RCSD1: variants seen among roughly 807,000 people sequenced by gnomAD.
RCSD1 encodes the protein capZ-interacting protein.
In RCSD1, 26 loss-of-function variants were observed where a neutral mutation model predicts 42.5. The observed-to-expected ratio is 0.61, with a 90% CI of 0.45 to 0.85. The LOEUF is 0.85. Among genes scored for constraint, RCSD1 ranks in the 40% least tolerant of loss-of-function variants. The probability of loss-of-function intolerance (pLI) is 0.00; values close to 1 mark genes in which losing one functional copy is unlikely to be tolerated. For missense variants in RCSD1, 571 were observed against 528.3 expected (o/e 1.08, Z -0.79); for synonymous variants, 220 against 212.2 (o/e 1.04, Z -0.32).
chr1:167,655,641 C>G (rs1327924817), intron 1 of RCSD1, among the ~76,000 whole-genome samples: 1 of 152,152 alleles, frequency 6.6e-6, no homozygotes, highest in East Asian at 1.9e-4. Flanking sequence ...GCAGGGCTCT[C>G]TCTTAATACC....
chr1:167,647,525 A>G (rs1330197832), intron 1 of RCSD1, among the ~76,000 whole-genome samples: 1 of 152,114 alleles, frequency 6.6e-6, no homozygotes. Context: ...GTTCAAGACC[A>G]GCCTGGGCAA....
intron 2 of RCSD1, 71 bp downstream of exon 2, chr1:167,684,072 G>T: frequency 7.8e-7 from 1 of 1,277,042 alleles, no homozygotes; most frequent in Non-Finnish European, 1.1e-6. Context: ...GTCAGGCCCA[G>T]CGGAGAGGGA....
At chr1:167,644,351 C>A (rs910702141) in intron 1 of RCSD1, among the ~76,000 whole-genome samples, 1 of 152,006 alleles carries the variant, frequency 6.6e-6, no homozygotes, top group Admixed American at 6.6e-5. Context: ...TGGTGGTGTG[C>A]GCCTATAATC....
chr1:167,669,608 A>T (rs1039781623), intron 1 of RCSD1, among the ~76,000 whole-genome samples: 4 of 152,224 alleles, frequency 2.6e-5, no homozygotes, highest in African/African-American at 7.2e-5. Flanking sequence ...AAGACTGTGC[A>T]TGCAAATGGC....
intron 1 of RCSD1, among the ~76,000 whole-genome samples, chr1:167,632,331 A>G (rs973045300): frequency 2.6e-5 from 4 of 152,212 alleles, no homozygotes; most frequent in African/African-American, 9.7e-5. Flanking sequence ...TGGAGATAAG[A>G]GAAAAGCAAC....
intron 1 of RCSD1, among the ~76,000 whole-genome samples, chr1:167,634,126 C>T (rs1657770358): frequency 6.6e-6 from 1 of 152,186 alleles, no homozygotes. Flanking sequence ...ACTCCTTCCC[C>T]TCTCGGTCTG....
At chr1:167,699,324 T>A (rs1442370496) in intron 6 of RCSD1, among the ~76,000 whole-genome samples, 1 of 152,192 alleles carries the variant, frequency 6.6e-6, no homozygotes. Context: ...CCTTCAAAAT[T>A]AAGTTGTTGG....
intron 1 of RCSD1, among the ~76,000 whole-genome samples, chr1:167,661,944 A>G (rs1658550357): frequency 6.6e-6 from 1 of 152,230 alleles, no homozygotes; most frequent in South Asian, 2.1e-4. Flanking sequence ...CATGAGGAAT[A>G]TAATGCACAG....
intron 1 of RCSD1, among the ~76,000 whole-genome samples, chr1:167,643,982 C>T (rs1658067364): frequency 3.3e-5 from 5 of 152,112 alleles, no homozygotes; most frequent in Admixed American, 2.6e-4. Context: ...TTATTGCATC[C>T]TGCCTGCAAA....
At chr1:167,666,101 C>T (rs1393944031) in intron 1 of RCSD1, among the ~76,000 whole-genome samples, 2 of 152,200 alleles carry the variant, frequency 1.3e-5, no homozygotes, top group Admixed American at 1.3e-4. Flanking sequence ...CGTAAGCCAC[C>T]ATGCCTAGCC....
intron 1 of RCSD1, among the ~76,000 whole-genome samples, chr1:167,678,661 T>C: frequency 6.6e-6 from 1 of 152,166 alleles, no homozygotes; most frequent in Non-Finnish European, 1.5e-5. Flanking sequence ...AGCTCCTTGA[T>C]GCGCGACTCA....
At chr1:167,641,902 T>C (rs928576207) in intron 1 of RCSD1, 5 of 152,174 alleles carry the variant, frequency 3.3e-5, no homozygotes, top group African/African-American at 1.2e-4. Flanking sequence ...TGCCACAATC[T>C]TAGTGGCTGA....
Position 167,630,389 on chromosome 1 carries a change from G to A in RCSD1, c.-35G>A, listed in dbSNP as rs1380411768. 4.0e-6 allele frequency: 6 copies of A among 1,508,762 alleles called. No homozygotes were observed. The highest frequency in any genetic ancestry group is 5.3e-6 in the Non-Finnish European group (6 of 1,124,186). The allele number at this position is 1,508,762 out of a possible 1,614,324, so 93.5% of individuals were successfully genotyped here. A position where few individuals can be genotyped will look rare whatever the true frequency, so the allele number is the denominator to read the frequency against. Reference sequence around the variant, plus strand: ...ATCGTGAGCTCCGGCCCGGGCGAGCGGGTGCGTCTGCCGCAGAGTCGGCAC... The same window carrying A: ...ATCGTGAGCTCCGGCCCGGGCGAGCAGGTGCGTCTGCCGCAGAGTCGGCAC... On this transcript the variant is annotated 5_prime_UTR_variant, in exon 1 of 7. Transcript: ENST00000367854.
At chr1:167,694,866 T>C (rs559985812) in intron 5 of RCSD1, among the ~76,000 whole-genome samples, 1 of 152,164 alleles carries the variant, frequency 6.6e-6, no homozygotes, top group Admixed American at 6.5e-5. Context: ...CCTGATCCTC[T>C]GTGTGAGCTT....
At position 167,697,397 on chromosome 1, in the gene RCSD1, C is replaced by T. The variant is rs1477901917; in HGVS notation, c.773C>T (p.Ala258Val). 4.3e-6 allele frequency: 7 copies of T among 1,613,534 alleles called. No individual in the cohort carries two copies. The highest frequency in any genetic ancestry group is 5.9e-6 in the Non-Finnish European group (7 of 1,179,770). ...KQEEDRATEE[A>V]KNGEKARRSS... ...GAGGAGGACAGGGCCACAGAGGAAG[C>T]CAAGAACGGTGAAAAGGCCAGGCGG... The change falls in exon 6 of 7, where the codon GCC becomes GTC. Residue 258 changes from alanine (A) to valine (V), a missense_variant. Transcript: ENST00000367854.
chr1:167,657,908 C>G (rs1658458170), intron 1 of RCSD1, among the ~76,000 whole-genome samples: 1 of 151,988 alleles, frequency 6.6e-6, no homozygotes, highest in African/African-American at 2.4e-5. Context: ...CACACACACA[C>G]ACACACATGC....
chr1:167,680,994 C>T (rs928255098), intron 1 of RCSD1, among the ~76,000 whole-genome samples: 1 of 152,176 alleles, frequency 6.6e-6, no homozygotes, highest in Non-Finnish European at 1.5e-5. Context: ...TGGTGCTGAG[C>T]ACACTGGAGA....
rs760541289 is a variant in RCSD1 at position 167,668,287 on chromosome 1, GA to G, written c.7-15601del. On this transcript the variant is annotated intron_variant, in intron 1 of 6. Coordinates refer to ENST00000367854, the MANE Select transcript of RCSD1 (RefSeq NM_052862.4). ...GCAACAGAGCAAGACTCCGTCTCCAGAAAAAAAAAAAACTCTGTGAGTTCCA... is the reference window on the plus strand; with the variant it reads ...GCAACAGAGCAAGACTCCGTCTCCAGAAAAAAAAAAACTCTGTGAGTTCCA... 3.7e-3 allele frequency among the ~76,000 whole-genome samples: 533 copies of G among 142,662 alleles called. 2 individuals carry two copies. The highest frequency in any genetic ancestry group is 0.019 in the Middle Eastern group (5 of 270). The allele number at this position is 142,662 out of a possible 152,430, so 93.6% of individuals were successfully genotyped here. A position where few individuals can be genotyped will look rare whatever the true frequency, so the allele number is the denominator to read the frequency against.
At chr1:167,661,979 T>C (rs1195198549) in intron 1 of RCSD1, among the ~76,000 whole-genome samples, 1 of 152,210 alleles carries the variant, frequency 6.6e-6, no homozygotes, top group East Asian at 1.9e-4. Flanking sequence ...CAACCTTGTA[T>C]GTTAACCTCT....
Sources: allele counts gnomAD v4.1 joint callset (sites outside exome capture counted in the v4.1 genomes callset), GRCh38; gene constraint gnomAD v4.1.1; transcripts MANE v1.5; gene names NCBI Gene and HGNC (gene_info 2026-07-23, HGNC 2026-07-21).